EYA4: variants seen among roughly 807,000 people sequenced by gnomAD.
EYA4 encodes the protein protein phosphatase EYA4.
EYA4 carries 31 observed loss-of-function variants against 87.9 expected under a neutral mutation model. The observed-to-expected ratio is 0.35, with a 90% CI of 0.27 to 0.48. The LOEUF (loss-of-function observed/expected upper bound fraction) is 0.48. EYA4 is among the 20% of genes least tolerant of loss of function. EYA4 has a pLI of 0.99. For missense variants in EYA4, 678 were observed against 761.4 expected (o/e 0.89, Z 1.29); for synonymous variants, 263 against 270.6 (o/e 0.97, Z 0.28).
intron 2 of EYA4, among the ~76,000 whole-genome samples, chr6:133,292,068 A>T (rs972794929): frequency 2.0e-4 from 30 of 152,206 alleles, no homozygotes; most frequent in Non-Finnish European, 2.9e-5. Context: ...CCTAAGAGGT[A>T]TTTAAAAGTT....
At chr6:133,319,307 A>T (rs1169990939) in intron 2 of EYA4, among the ~76,000 whole-genome samples, 5 of 152,260 alleles carry the variant, frequency 3.3e-5, no homozygotes, top group Non-Finnish European at 7.3e-5. Context: ...CAGAATTAGC[A>T]GTTAGAATTT....
At chr6:133,270,295 T>C (rs138841704) in intron 1 of EYA4, among the ~76,000 whole-genome samples, 2,210 of 152,296 alleles carry the variant, frequency 0.015, 18 homozygotes, top group Non-Finnish European at 0.022. Context: ...AATAAGGTCA[T>C]AATTATACCT....
chr6:133,494,674 C>CAAAAAA (rs369090290), intron 13 of EYA4, among the ~76,000 whole-genome samples: 1 of 113,090 alleles, frequency 8.8e-6, no homozygotes. Flanking sequence ...CCTGCCTCTA[C>CAAAAAA]AAAAAAAAAA....
chr6:133,465,041 CT>C (rs1295590036), intron 10 of EYA4, among the ~76,000 whole-genome samples, 183 bp downstream of exon 10: 2 of 152,012 alleles, frequency 1.3e-5, no homozygotes, highest in African/African-American at 4.8e-5. Context: ...ATTATTCTGG[CT>C]ATTTTAGATT....
intron 1 of EYA4, chr6:133,248,631 G>A (rs1256106093): frequency 2.6e-5 from 4 of 152,128 alleles, no homozygotes; most frequent in Admixed American, 6.5e-5. Flanking sequence ...GATGACTTGG[G>A]GGAATCAGCA....
At chr6:133,434,826 GA>G (rs1290766645) in intron 3 of EYA4, among the ~76,000 whole-genome samples, 2 of 151,802 alleles carry the variant, frequency 1.3e-5, no homozygotes, top group Non-Finnish European at 2.9e-5. Context: ...TTTTTTCTTA[GA>G]AAAAAACAGT....
At chr6:133,456,221 G>A (rs149998194) in intron 5 of EYA4, among the ~76,000 whole-genome samples, 2 of 152,250 alleles carry the variant, frequency 1.3e-5, no homozygotes, top group African/African-American at 2.4e-5. Flanking sequence ...TTAATTAAAT[G>A]TGCTGAAGAC....
intron 2 of EYA4, among the ~76,000 whole-genome samples, chr6:133,336,094 A>G (rs936198655): frequency 1.3e-5 from 2 of 152,196 alleles, no homozygotes; most frequent in African/African-American, 4.8e-5. Context: ...ACTATTATAA[A>G]TAGAAAGAAT....
At chr6:133,252,483 G>C (rs1305756989) in intron 1 of EYA4, among the ~76,000 whole-genome samples, 1 of 152,136 alleles carries the variant, frequency 6.6e-6, no homozygotes, top group Non-Finnish European at 1.5e-5. Context: ...CTATGGGTTT[G>C]ATGTTGACCA....
chr6:133,363,548 C>G (rs1376240596), intron 2 of EYA4: 1 of 150,722 alleles, frequency 6.6e-6, no homozygotes, highest in Non-Finnish European at 1.5e-5. Flanking sequence ...GATCTAGGCT[C>G]ACTGCAGGCT....
chr6:133,487,200 C>T (rs1232355074), intron 13 of EYA4, among the ~76,000 whole-genome samples: 2 of 152,138 alleles, frequency 1.3e-5, no homozygotes, highest in Non-Finnish European at 2.9e-5. Flanking sequence ...TTAGACCAGT[C>T]CTAGCTAGAG....
intron 7 of EYA4, among the ~76,000 whole-genome samples, 185 bp downstream of exon 7, chr6:133,461,365 A>G (rs1303231365): frequency 6.6e-6 from 1 of 152,174 alleles, no homozygotes; most frequent in Non-Finnish European, 1.5e-5. Context: ...CTTGAGAAAA[A>G]TATCAAGCTC....
chr6:133,300,880 G>T (rs1582892211), intron 2 of EYA4, among the ~76,000 whole-genome samples: 1 of 152,242 alleles, frequency 6.6e-6, no homozygotes, highest in East Asian at 1.9e-4. Flanking sequence ...TTTAATGAGC[G>T]CAATAGTTAG....
rs537441211 is a variant in EYA4 at position 133,405,658 on chromosome 6, G to C, written c.83+23217G>C. ...ACAGCAAAGTATAAAACAGACAAAA[G>C]TTTCTCCTTTGGGGTTTACATTCCA... On this transcript the variant is annotated intron_variant, in intron 3 of 19. Transcript: ENST00000355286. Among the ~76,000 whole-genome samples, 6 of 152,216 alleles carry C rather than the reference G, an allele frequency of 3.9e-5. No individual in the cohort carries two copies. In the South Asian group the frequency reaches 1.2e-3, roughly 32 times the overall value.
intron 2 of EYA4, among the ~76,000 whole-genome samples, chr6:133,373,757 G>C (rs918368273): frequency 6.6e-6 from 1 of 152,050 alleles, no homozygotes; most frequent in Admixed American, 6.6e-5. Flanking sequence ...TATCTCTTTA[G>C]GTGTTTGTTT....
chr6:133,313,244 C>T (rs55977000), intron 2 of EYA4, among the ~76,000 whole-genome samples: 65,714 of 151,912 alleles, frequency 0.43, 14,999 homozygotes, highest in Non-Finnish European at 0.52. Context: ...GACATTGTTC[C>T]TCCTCCTGTG....
chr6:133,425,858 C>T (rs968611030), intron 3 of EYA4, among the ~76,000 whole-genome samples: 3 of 150,764 alleles, frequency 2.0e-5, no homozygotes, highest in Non-Finnish European at 2.9e-5. Context: ...ATTTGCTCCT[C>T]ATTGCCTGTA....
At chr6:133,422,247 A>G (rs1314482039) in intron 3 of EYA4, among the ~76,000 whole-genome samples, 1 of 152,152 alleles carries the variant, frequency 6.6e-6, no homozygotes, top group African/African-American at 2.4e-5. Flanking sequence ...GAAAAACACT[A>G]TCCTGAATTT....
chr6:133,491,513 C>T (rs959766873), intron 13 of EYA4, among the ~76,000 whole-genome samples: 2 of 152,134 alleles, frequency 1.3e-5, no homozygotes, highest in South Asian at 4.1e-4. Flanking sequence ...TTAGAGGCTA[C>T]TGTGAGAAAC....
Sources: allele counts gnomAD v4.1 joint callset (sites outside exome capture counted in the v4.1 genomes callset), GRCh38; gene constraint gnomAD v4.1.1; transcripts MANE v1.5; gene names NCBI Gene and HGNC (gene_info 2026-07-23, HGNC 2026-07-21).